The following SYNPR variants were observed in gnomAD, a reference collection of about 807,000 sequenced individuals.
SYNPR encodes synaptoporin.
In SYNPR, 23 loss-of-function variants were observed where a neutral mutation model predicts 32.9. The ratio of observed to expected loss-of-function variants is 0.70; its 90% CI spans 0.50 to 0.99. The LOEUF is 0.99. Among genes scored for constraint, SYNPR ranks in the 50% least tolerant of loss-of-function variants. SYNPR has a pLI of 0.00. For missense variants in SYNPR, 318 were observed against 349.3 expected (o/e 0.91, Z 0.71); for synonymous variants, 146 against 135.9 (o/e 1.07, Z -0.52).
At chr3:63,347,014 G>C (rs893263432) in intron 2 of SYNPR, among the ~76,000 whole-genome samples, 3 of 152,100 alleles carry the variant, frequency 2.0e-5, no homozygotes, top group African/African-American at 7.2e-5. Context: ...AATCTATCTA[G>C]ACTTCAGTTT....
At chr3:63,345,870 A>G (rs2107009699) in intron 2 of SYNPR, among the ~76,000 whole-genome samples, 1 of 151,932 alleles carries the variant, frequency 6.6e-6, no homozygotes, top group South Asian at 2.1e-4. Flanking sequence ...ACTGGAGTGC[A>G]GTGGCGCAAT....
chr3:63,310,196 C>G (rs190568688), intron 2 of SYNPR, among the ~76,000 whole-genome samples: 1 of 151,932 alleles, frequency 6.6e-6, no homozygotes, highest in South Asian at 2.1e-4. Context: ...TCTCATCTCT[C>G]TCACCTTTGG....
At chr3:63,370,557 G>A (rs1410869936) in intron 2 of SYNPR, among the ~76,000 whole-genome samples, 1 of 152,160 alleles carries the variant, frequency 6.6e-6, no homozygotes, top group Non-Finnish European at 1.5e-5. Context: ...CTTAACTGTG[G>A]TAATTGTATA....
intron 2 of SYNPR, among the ~76,000 whole-genome samples, chr3:63,419,456 C>A (rs2088579731): frequency 6.6e-6 from 1 of 152,198 alleles, no homozygotes; most frequent in Admixed American, 6.5e-5. Context: ...GGTGACAGAG[C>A]TACCCCAAAG....
chr3:63,564,827 C>T (rs983987314), intron 4 of SYNPR, among the ~76,000 whole-genome samples: 6 of 152,164 alleles, frequency 3.9e-5, no homozygotes, highest in Non-Finnish European at 8.8e-5. Context: ...GAATTAGCTA[C>T]TTTAATAAAA....
chr3:63,379,592 T>C (rs989842766), intron 2 of SYNPR, among the ~76,000 whole-genome samples: 1 of 152,176 alleles, frequency 6.6e-6, no homozygotes, highest in African/African-American at 2.4e-5. Context: ...CTTTGTTAAT[T>C]TTCTTTACTT....
chr3:63,257,772 G>T (rs1191061786), intron 2 of SYNPR, among the ~76,000 whole-genome samples: 2 of 152,118 alleles, frequency 1.3e-5, no homozygotes, highest in Non-Finnish European at 2.9e-5. Context: ...ACACAGACTG[G>T]TAAATTGGAT....
At chr3:63,441,836 T>C (rs966716605) in intron 2 of SYNPR, among the ~76,000 whole-genome samples, 32 of 152,300 alleles carry the variant, frequency 2.1e-4, no homozygotes, top group African/African-American at 7.5e-4. Context: ...CTGGACTCCC[T>C]GAGCCCAGTT....
In SYNPR at chr3:63,327,252, T is replaced by C. The variant is rs182745357; in HGVS notation, c.84+48510T>C. Among the ~76,000 whole-genome samples, 55 of 152,228 alleles carry C rather than the reference T, an allele frequency of 3.6e-4. No individual in the cohort carries two copies. In the South Asian group the frequency reaches 5.6e-3, roughly 16 times the overall value. ...ACAATACCAAGTGACAGCAAGGATA[T>C]AGAACAACTAGAACTTTTTTACACT... On this transcript the variant is annotated intron_variant, in intron 2 of 5. Coordinates refer to ENST00000478300, the MANE Select transcript of SYNPR (RefSeq NM_001130003.2).
At chr3:63,542,863 C>G (rs1278221768) in intron 3 of SYNPR, among the ~76,000 whole-genome samples, 1 of 151,940 alleles carries the variant, frequency 6.6e-6, no homozygotes, top group Admixed American at 6.6e-5. Flanking sequence ...TCCCATATTA[C>G]CTGAATTACC....
intron 3 of SYNPR, among the ~76,000 whole-genome samples, chr3:63,494,410 T>TACACAC (rs1203726036): frequency 8.1e-6 from 1 of 122,868 alleles, no homozygotes. Flanking sequence ...TATATATATA[T>TACACAC]ATATATACGT....
In SYNPR at chr3:63,337,361, T is replaced by A. The variant is rs370374186; in HGVS notation, c.84+58619T>A. ...TGGTTAAAATGCAAAACACTAACAA[T>A]GCCAAATGCTGGTGAGGATGTGGAG... On this transcript the variant is annotated intron_variant, in intron 2 of 5. Transcript: ENST00000478300. 2.3e-3 allele frequency among the ~76,000 whole-genome samples: 346 copies of A among 151,608 alleles called. 4 individuals are homozygous for A. Among genetic ancestry groups the A allele is most frequent in the African/African-American group, 7.1e-3 (294 of 41,244 alleles).
At chr3:63,267,377 G>A (rs1220365085) in exon 3 of SYNPR, 2 of 152,134 alleles carry the variant, frequency 1.3e-5, no homozygotes, top group Non-Finnish European at 2.9e-5. Flanking sequence ...AGAACCTGAG[G>A]GGACTTCCAG....
chr3:63,220,386 C>A, the SYNPR span, among the ~76,000 whole-genome samples: 1 of 152,152 alleles, frequency 6.6e-6, no homozygotes, highest in Non-Finnish European at 1.5e-5. Flanking sequence ...AACTGATAGG[C>A]TGGTTACTAG....
intron 2 of SYNPR, among the ~76,000 whole-genome samples, chr3:63,348,418 T>A (rs2087464397): frequency 6.6e-6 from 1 of 152,212 alleles, no homozygotes; most frequent in African/African-American, 2.4e-5. Flanking sequence ...TCCTTGTAAA[T>A]TCTGGATATC....
At chr3:63,430,384 ACACACACACAC>A (rs1449801313) in intron 2 of SYNPR, among the ~76,000 whole-genome samples, 3 of 131,234 alleles carry the variant, frequency 2.3e-5, no homozygotes, top group Non-Finnish European at 3.5e-5. Flanking sequence ...ACACACACAC[ACACACACACAC>A]AACCTTATCC....
intron 3 of SYNPR, among the ~76,000 whole-genome samples, chr3:63,539,128 C>G (rs1532862): frequency 0.35 from 52,950 of 151,958 alleles, 9,771 homozygotes; most frequent in East Asian, 0.63. Flanking sequence ...TCTGTTGTTT[C>G]AGTTTCAGTT....
chr3:63,609,200 G>T lies in SYNPR; in HGVS notation c.484G>T (p.Val162Phe). The change falls in exon 5 of 6, where the codon GTC becomes TTC. Residue 162 changes from valine to phenylalanine, a missense_variant. Transcript: ENST00000478300. ...AGCTTGGGCAAAAGGACTGTCTGAC[G>T]TCAAAGTTGCAACGGATCCCAAGGA... is the stretch of plus-strand genomic sequence containing the variant. ...SSAWAKGLSD[V>F]KVATDPKEVL... 1 of 1,610,728 alleles carries T rather than the reference G, an allele frequency of 6.2e-7. No individual in the cohort carries two copies. Among genetic ancestry groups the T allele is most frequent in the Non-Finnish European group, 8.5e-7 (1 of 1,178,472 alleles).
intron 2 of SYNPR, among the ~76,000 whole-genome samples, chr3:63,311,531 C>G (rs893457266): frequency 6.6e-6 from 1 of 151,894 alleles, no homozygotes; most frequent in Non-Finnish European, 1.5e-5. Context: ...TTATAAGACT[C>G]TAAGGCCTGA....
Sources: gnomAD v4.1 joint callset for allele counts (sites outside exome capture counted in the v4.1 genomes callset) on GRCh38, gnomAD v4.1.1 for gene constraint, MANE v1.5 for transcripts, NCBI Gene and HGNC (gene_info 2026-07-23, HGNC 2026-07-21) for gene names.